DOT1L: variants seen among roughly 807,000 people sequenced by gnomAD.
DOT1L encodes DOT1 like histone lysine methyltransferase.
Under a neutral mutation model 153.3 loss-of-function variants are expected in DOT1L, and 33 were observed. That is an observed-to-expected ratio of 0.22 (90% confidence interval 0.16 to 0.29). The LOEUF (loss-of-function observed/expected upper bound fraction) is 0.29. DOT1L is among the 10% of genes least tolerant of loss of function. The pLI is 1.00. For missense variants in DOT1L, 1,847 were observed against 2,119.9 expected (o/e 0.87, Z 2.53); for synonymous variants, 1,135 against 965.1 (o/e 1.18, Z -3.26).
intron 1 of DOT1L, among the ~76,000 whole-genome samples, chr19:2,180,256 C>T (rs942661986): frequency 2.0e-5 from 3 of 152,302 alleles, no homozygotes; most frequent in Admixed American, 6.5e-5. Context: ...GCAGGACTCC[C>T]AGCCAGGCTG....
At chr19:2,218,623 G>T (rs893030163) in intron 22 of DOT1L, among the ~76,000 whole-genome samples, 2 of 151,984 alleles carry the variant, frequency 1.3e-5, no homozygotes, top group Non-Finnish European at 2.9e-5. Flanking sequence ...TTGATCTCCT[G>T]ACCTAGTGAT....
Position 2,230,948 on chromosome 19 carries a change from G to A in DOT1L, c.*1156G>A, listed in dbSNP as rs1460106214. On this transcript the variant is annotated 3_prime_UTR_variant, in exon 28 of 28. Transcript: ENST00000398665. ...TTCTCCCAGCTGCTGTGGGTGTGCT[G>A]GGGCCAGGGTGCACTGCTGAAACCT... The A allele has an allele frequency of 2.7e-5, 7 of 263,542 alleles. No individual in the cohort carries two copies. The highest frequency in any genetic ancestry group is 5.0e-5 in the Non-Finnish European group (7 of 139,740). The allele number at this position is 263,542 out of a possible 1,614,324, so 16.3% of individuals were successfully genotyped here.
chr19:2,165,981 A>G (rs2019903372), intron 1 of DOT1L, among the ~76,000 whole-genome samples: 1 of 151,980 alleles, frequency 6.6e-6, no homozygotes. Flanking sequence ...CGTGTTAGCC[A>G]GGATGGTCTC....
chr19:2,217,234 G>C lies in DOT1L; in HGVS notation c.2544+144G>C, dbSNP rs925377588. On this transcript the variant is annotated intron_variant, in intron 21 of 27. Coordinates refer to ENST00000398665, the MANE Select transcript of DOT1L (RefSeq NM_032482.3). This position sits in a 1 kb window ranked among gnomAD's most constrained non-coding sequence, Gnocchi z 7.3. ...TGACCTGGAGTAGGATGTTGTGGCA[G>C]AGTTGGGGGCAACCAGTAAGGACAG... 2.5e-6 allele frequency: 3 copies of C among 1,214,886 alleles called. No homozygotes were observed. The highest frequency in any genetic ancestry group is 2.6e-5 in the East Asian group (1 of 38,474). 75.3% of individuals were successfully genotyped at this position (1,214,886 alleles called of 1,614,324 possible).
In DOT1L at chr19:2,199,887, G is replaced by C; in HGVS notation, c.655G>C (p.Glu219Gln). 2 of 1,613,954 alleles carry C rather than the reference G, an allele frequency of 1.2e-6. No homozygotes were observed. Among genetic ancestry groups the C allele is most frequent in the Non-Finnish European group, 1.7e-6 (2 of 1,179,856 alleles). ...TCACACCTGTTTTCCCTTTCAGTTG[G>C]AGAGAGGCGATTTCCTCTCAGAAGA... The part of the protein sequence containing the change: ...YGKKHAEYTL[E>Q]RGDFLSEEWR... Residue 219 changes from glutamate (E) to glutamine (Q), a missense_variant, in exon 8 of 28, where the codon GAG becomes CAG. By Grantham distance (29) the Glu-to-Gln change is conservative (BLOSUM62 2). Transcript: ENST00000398665.
chr19:2,196,598 T>C (rs2023029841), intron 7 of DOT1L, among the ~76,000 whole-genome samples: 1 of 152,200 alleles, frequency 6.6e-6, no homozygotes, highest in Admixed American at 6.5e-5. Context: ...CCCAAAGTGC[T>C]GGGATGACAG....
At position 2,222,322 on chromosome 19, in the gene DOT1L, T is replaced by G. The variant is rs900296521; in HGVS notation, c.3153T>G (p.Thr1051=). 1.2e-6 allele frequency: 2 copies of G among 1,612,846 alleles called. No individual in the cohort carries two copies. Among genetic ancestry groups the G allele is most frequent in the Non-Finnish European group, 1.7e-6 (2 of 1,179,908 alleles). The change falls in exon 24 of 28, where the codon ACT becomes ACG. Residue 1051 remains threonine, a synonymous_variant. Coordinates refer to ENST00000398665, the MANE Select transcript of DOT1L (RefSeq NM_032482.3). This position sits in a 1 kb window ranked among gnomAD's most constrained non-coding sequence, Gnocchi z 6.5. ...GGAGGATTGTGTTCACCATCACCAC[T>G]GGTGCGGGCAGTGCCAAGCAGTCGC... The part of the protein sequence containing the change: ...AKRRIVFTIT[T]GAGSAKQSPS...
intron 1 of DOT1L, among the ~76,000 whole-genome samples, chr19:2,179,033 C>G (rs1196112919): frequency 6.6e-6 from 1 of 152,188 alleles, no homozygotes; most frequent in Non-Finnish European, 1.5e-5. Context: ...TGTCTCCTGT[C>G]TCCCCTATCT....
chr19:2,213,669 G>C, intron 17 of DOT1L, 29 bp downstream of exon 17: 1 of 1,612,490 alleles, frequency 6.2e-7, no homozygotes, highest in Non-Finnish European at 8.5e-7. Context: ...CAGGTGGCAG[G>C]TGGCAGCTGG....
chr19:2,216,103 T>G, intron 19 of DOT1L, 178 bp from the exon 20 acceptor site: 3 of 829,696 alleles, frequency 3.6e-6, no homozygotes, highest in South Asian at 1.9e-5. Flanking sequence ...CCACATGACT[T>G]TATTTGACGC....
rs1291913179 is a variant in DOT1L at position 2,226,513 on chromosome 19, T to C, written c.3992T>C (p.Phe1331Ser). ...GLAADLSLHS[F>S]SDGASLPHKG... ...GCCGCGGACCTGAGTTTACACAGCT[T>C]CAGTGATGGTGCTTCTCTTCCCCAC... The change falls in exon 27 of 28, where the codon TTC (phenylalanine) becomes TCC (serine). Residue 1331 changes from phenylalanine (F) to serine (S), a missense_variant. This residue lies in a region of DOT1L where 934 missense variants were observed against 825.3 expected (regional missense o/e 1.13). Transcript: ENST00000398665. 6.2e-7 allele frequency: 1 copy of C among 1,600,636 alleles called. No individual in the cohort carries two copies. The highest frequency in any genetic ancestry group is 8.5e-7 in the Non-Finnish European group (1 of 1,179,662).
At position 2,230,654 on chromosome 19, in the gene DOT1L, TAG is replaced by T; in HGVS notation, c.*866_*867del. 2.5e-6 allele frequency: 1 copy of T among 398,562 alleles called. No homozygotes were observed. Among genetic ancestry groups the T allele is most frequent in the Non-Finnish European group, 4.4e-6 (1 of 226,066 alleles). 24.7% of individuals were successfully genotyped at this position (398,562 alleles called of 1,614,324 possible). On this transcript the variant is annotated 3_prime_UTR_variant, in exon 28 of 28. Transcript: ENST00000398665. ...CACACTAATGAGTGGCAGTATTTTA[TAG>T]AGATGTGATGAGAATTTATAAATTT...
At chr19:2,223,628 T>C in intron 25 of DOT1L, 142 bp downstream of exon 25, 2 of 1,029,384 alleles carry the variant, frequency 1.9e-6, no homozygotes, top group Non-Finnish European at 1.4e-6. Context: ...GCGTCTGTTT[T>C]GTGAGGGGCC....
chr19:2,169,857 T>TA (rs1036999480), intron 1 of DOT1L, among the ~76,000 whole-genome samples: 4 of 151,884 alleles, frequency 2.6e-5, no homozygotes, highest in Admixed American at 1.3e-4. Context: ...AAAGTTTAAT[T>TA]AAAAAAAACA....
In DOT1L at chr19:2,230,081, T is replaced by C; in HGVS notation, c.*289T>C. The C allele has an allele frequency of 1.7e-6, 1 of 597,672 alleles. No homozygotes were observed. The highest frequency in any genetic ancestry group is 2.9e-6 in the Non-Finnish European group (1 of 340,726). The allele number at this position is 597,672 out of a possible 1,614,324, so 37.0% of individuals were successfully genotyped here. A position where few individuals can be genotyped will look rare whatever the true frequency, so the allele number is the denominator to read the frequency against. Reference sequence around the variant, plus strand: ...AAGGCAACTTATTGAGAAATATAAATATCTATATATGAGAGCTCTATATAA... The same window carrying C: ...AAGGCAACTTATTGAGAAATATAAACATCTATATATGAGAGCTCTATATAA... On this transcript the variant is annotated 3_prime_UTR_variant, in exon 28 of 28. Coordinates refer to ENST00000398665, the MANE Select transcript of DOT1L (RefSeq NM_032482.3).
At chr19:2,228,425 ACTGT>A (rs2024460020) in intron 27 of DOT1L, 2 of 1,242,422 alleles carry the variant, frequency 1.6e-6, no homozygotes, top group Non-Finnish European at 1.0e-6. Flanking sequence ...CAGACACTGA[ACTGT>A]CCTTCCTTTG....
intron 27 of DOT1L, chr19:2,229,112 A>G: frequency 1.0e-6 from 1 of 985,352 alleles, no homozygotes; most frequent in Non-Finnish European, 1.2e-6. Context: ...GTTAGTGTAG[A>G]CGGTGCCCAC....
intron 16 of DOT1L, 42 bp from the exon 17 acceptor site, chr19:2,213,497 A>T: frequency 6.3e-7 from 1 of 1,599,016 alleles, no homozygotes; most frequent in African/African-American, 1.3e-5. Flanking sequence ...GCCCTCAGTC[A>T]CCTGCCCTGG....
At chr19:2,186,398 G>T (rs569994884) in intron 3 of DOT1L, among the ~76,000 whole-genome samples, 1 of 152,328 alleles carries the variant, frequency 6.6e-6, no homozygotes, top group East Asian at 1.9e-4. Flanking sequence ...AGGGTCTTGT[G>T]GGTGGAGAGG....
Sources: gnomAD v4.1 joint callset for allele counts (sites outside exome capture counted in the v4.1 genomes callset) on GRCh38, gnomAD v4.1.1 for gene constraint, gnomAD v4.1.1 regional missense constraint, Gnocchi (gnomAD v3.1) non-coding constraint, MANE v1.5 for transcripts, NCBI Gene and HGNC (gene_info 2026-07-23, HGNC 2026-07-21) for gene names.